The following NCKAP5 variants were observed in gnomAD, a reference collection of about 807,000 sequenced individuals.
The protein encoded by NCKAP5 is NCK associated protein 5, also known as nck-associated protein 5.
A neutral mutation model predicts 167.0 loss-of-function variants in NCKAP5; 92 were observed. The observed-to-expected ratio is 0.55, with a 90% CI of 0.47 to 0.66. The LOEUF (loss-of-function observed/expected upper bound fraction) is 0.66, where lower values mean the gene tolerates loss of function less well. Among genes scored for constraint, NCKAP5 ranks in the 30% least tolerant of loss-of-function variants. The pLI is 0.00. For synonymous variants in NCKAP5, 891 were observed against 877.4 expected (o/e 1.02, Z -0.27); for missense variants, 2,378 against 2,315.0 (o/e 1.03, Z -0.56).
the NCKAP5 span, among the ~76,000 whole-genome samples, chr2:133,647,419 GAGAAA>G: frequency 2.1e-5 from 2 of 94,886 alleles, no homozygotes; most frequent in African/African-American, 5.0e-5. Context: ...AAGGAAGGAA[GAGAAA>G]GAAAGGAAGA....
chr2:133,651,336 T>C, the NCKAP5 span, among the ~76,000 whole-genome samples: 1 of 152,144 alleles, frequency 6.6e-6, no homozygotes, highest in Non-Finnish European at 1.5e-5. Flanking sequence ...GACTAAAATA[T>C]GGGCTAAGGA....
At chr2:133,035,748 G>T (rs1339428363) in intron 6 of NCKAP5, among the ~76,000 whole-genome samples, 1 of 151,472 alleles carries the variant, frequency 6.6e-6, no homozygotes, top group Non-Finnish European at 1.5e-5. Context: ...AACTTCAAGT[G>T]AAAAATCTAA....
intron 3 of NCKAP5, among the ~76,000 whole-genome samples, chr2:133,349,196 T>G (rs1419922661): frequency 6.6e-6 from 1 of 152,224 alleles, no homozygotes; most frequent in African/African-American, 2.4e-5. Context: ...AGCATTTGGC[T>G]TAGGGGAATC....
chr2:133,147,424 C>G (rs1160006252), intron 5 of NCKAP5, among the ~76,000 whole-genome samples: 1 of 152,094 alleles, frequency 6.6e-6, no homozygotes, highest in Non-Finnish European at 1.5e-5. Context: ...AGCAAAACAG[C>G]AACATCCAGT....
the NCKAP5 span, among the ~76,000 whole-genome samples, chr2:133,650,198 T>C: frequency 6.6e-6 from 1 of 152,070 alleles, no homozygotes; most frequent in Non-Finnish European, 1.5e-5. Flanking sequence ...AAAATATCAA[T>C]GAAAGAAATT....
the NCKAP5 span, among the ~76,000 whole-genome samples, chr2:133,655,032 T>C: frequency 1.3e-5 from 2 of 152,204 alleles, no homozygotes; most frequent in Admixed American, 6.5e-5. Context: ...CATTTGGTTC[T>C]TTCCTTGGGT....
At chr2:133,019,500 CTTAA>C (rs946021017) in intron 6 of NCKAP5, among the ~76,000 whole-genome samples, 2 of 152,140 alleles carry the variant, frequency 1.3e-5, no homozygotes, top group African/African-American at 4.8e-5. Flanking sequence ...TGTTTTACAC[CTTAA>C]TTAAAGTTCC....
At chr2:133,384,297 C>A (rs1686760677) in intron 3 of NCKAP5, among the ~76,000 whole-genome samples, 2 of 152,260 alleles carry the variant, frequency 1.3e-5, no homozygotes, top group Non-Finnish European at 2.9e-5. Flanking sequence ...TTCCCAGCAC[C>A]ATTTATTAAA....
At chr2:133,192,456 G>A (rs2085268034) in intron 5 of NCKAP5, among the ~76,000 whole-genome samples, 2 of 151,882 alleles carry the variant, frequency 1.3e-5, no homozygotes, top group Non-Finnish European at 2.9e-5. Context: ...ATGTTAAGAG[G>A]ATGTAAATCA....
intron 3 of NCKAP5, among the ~76,000 whole-genome samples, chr2:133,323,043 A>G (rs1292954495): frequency 6.6e-6 from 1 of 152,202 alleles, no homozygotes; most frequent in Non-Finnish European, 1.5e-5. Flanking sequence ...CTTCTAGACC[A>G]GCTGCAAGTA....
rs553892303 is a variant in NCKAP5 at position 133,018,099 on chromosome 2, T to C, written c.342-23860A>G. Among the ~76,000 whole-genome samples, 11 of 152,268 alleles carry C rather than the reference T, an allele frequency of 7.2e-5. No homozygotes were observed. In the East Asian group the frequency reaches 2.1e-3, roughly 29 times the overall value. ...GTGATTTGTGCTCTGTAACACTATT[T>C]TATCACTCACATTGTTGTCTCCCAT... On this transcript the variant is annotated intron_variant, in intron 6 of 19. Transcript: ENST00000409261.
intron 4 of NCKAP5, among the ~76,000 whole-genome samples, chr2:133,217,565 AC>A (rs1358936087): frequency 6.6e-6 from 1 of 152,124 alleles, no homozygotes; most frequent in Admixed American, 6.5e-5. Context: ...AACAGTAGCA[AC>A]CAAAAATGAT....
chr2:133,273,302 T>C (rs1228617935), intron 4 of NCKAP5, among the ~76,000 whole-genome samples: 2 of 152,200 alleles, frequency 1.3e-5, no homozygotes, highest in Non-Finnish European at 2.9e-5. Flanking sequence ...ACGTTCAGTA[T>C]CTTTTCATGT....
At chr2:133,350,177 T>C (rs1022236774) in intron 3 of NCKAP5, among the ~76,000 whole-genome samples, 1 of 152,146 alleles carries the variant, frequency 6.6e-6, no homozygotes, top group African/African-American at 2.4e-5. Flanking sequence ...TTTGGGAGCC[T>C]GAGGTGAGAG....
At chr2:133,249,209 G>A (rs2150329196) in intron 4 of NCKAP5, among the ~76,000 whole-genome samples, 1 of 152,284 alleles carries the variant, frequency 6.6e-6, no homozygotes, top group South Asian at 2.1e-4. Flanking sequence ...ATCTTGAGAT[G>A]GGGAAGTTAT....
At chr2:133,640,192 T>C in the NCKAP5 span, among the ~76,000 whole-genome samples, 4 of 152,222 alleles carry the variant, frequency 2.6e-5, 1 homozygote, top group Middle Eastern at 6.3e-3. Context: ...ATTTTACTAG[T>C]AATGTTTTAT....
chr2:133,127,944 A>T (rs990256838), intron 6 of NCKAP5, among the ~76,000 whole-genome samples: 1 of 152,156 alleles, frequency 6.6e-6, no homozygotes, highest in Non-Finnish European at 1.5e-5. Context: ...CATGGACTTG[A>T]GGAGTTGAAC....
chr2:133,517,277 T>C lies in NCKAP5; in HGVS notation c.69+181A>G, dbSNP rs112721375. 2.3e-3 allele frequency among the ~76,000 whole-genome samples: 348 copies of C among 152,300 alleles called. 1 individual carries two copies. The highest frequency in any genetic ancestry group is 8.0e-3 in the African/African-American group (334 of 41,560). On this transcript the variant is annotated intron_variant, in intron 3 of 19. Coordinates refer to ENST00000409261, the MANE Select transcript of NCKAP5 (RefSeq NM_207363.3). ...GCCTATTAAGACACTATACAAACATTCCAATAATTTGCTGGCTTTTGAGTT... is the reference window on the plus strand; with the variant it reads ...GCCTATTAAGACACTATACAAACATCCCAATAATTTGCTGGCTTTTGAGTT...
At chr2:132,739,704 A>G (rs1558993547) in intron 16 of NCKAP5, among the ~76,000 whole-genome samples, 2 of 152,144 alleles carry the variant, frequency 1.3e-5, no homozygotes, top group South Asian at 2.1e-4. Context: ...CTCAACAACT[A>G]CCCTGCTTAT....
Sources: gnomAD v4.1 joint callset for allele counts (sites outside exome capture counted in the v4.1 genomes callset) on GRCh38, gnomAD v4.1.1 for gene constraint, MANE v1.5 for transcripts, NCBI Gene and HGNC (gene_info 2026-07-23, HGNC 2026-07-21) for gene names.